EPM2A: variants seen among roughly 807,000 people sequenced by gnomAD.
EPM2A encodes the protein EPM2A glucan phosphatase, laforin.
A neutral mutation model predicts 26.5 loss-of-function variants in EPM2A; 21 were observed. The ratio of observed to expected loss-of-function variants is 0.79; its 90% CI spans 0.56 to 1.14. The LOEUF is 1.14. EPM2A is among the 50% of genes most tolerant of loss of function. The pLI, the probability that EPM2A is intolerant of heterozygous loss-of-function variation, is 0.00. For synonymous variants in EPM2A, 217 were observed against 177.6 expected (o/e 1.22, Z -1.76); for missense variants, 458 against 440.8 (o/e 1.04, Z -0.35).
chr6:145,590,459 G>T (rs940567258), intron 2 of EPM2A, among the ~76,000 whole-genome samples: 1 of 151,732 alleles, frequency 6.6e-6, no homozygotes, highest in African/African-American at 2.4e-5. Context: ...AAAGAAAATT[G>T]TGCCATTCAC....
chr6:145,473,581 G>T (rs1487019250), intron 4 of EPM2A, among the ~76,000 whole-genome samples: 1 of 152,056 alleles, frequency 6.6e-6, no homozygotes, highest in Non-Finnish European at 1.5e-5. Flanking sequence ...ACATGATGCA[G>T]ATTTAATCCA....
chr6:145,704,506 A>C (rs1185855805), intron 1 of EPM2A, among the ~76,000 whole-genome samples: 1 of 152,224 alleles, frequency 6.6e-6, no homozygotes, highest in East Asian at 1.9e-4. Context: ...GTTTCTCAAA[A>C]AATCCAGTGG....
chr6:145,532,775 T>C (rs1780376524), intron 2 of EPM2A, among the ~76,000 whole-genome samples: 3 of 152,172 alleles, frequency 2.0e-5, no homozygotes, highest in African/African-American at 4.8e-5. Flanking sequence ...CCCATTCCCA[T>C]CTGTCTGATG....
At chr6:145,639,258 T>C (rs1441851294) in intron 2 of EPM2A, 1 of 152,160 alleles carries the variant, frequency 6.6e-6, no homozygotes, top group Non-Finnish European at 1.5e-5. Flanking sequence ...AGCTCCACTA[T>C]AGACTATTTG....
At chr6:145,570,148 T>C (rs1330689123) in intron 2 of EPM2A, among the ~76,000 whole-genome samples, 5 of 152,092 alleles carry the variant, frequency 3.3e-5, no homozygotes, top group African/African-American at 1.2e-4. Flanking sequence ...TCCCCGCCCC[T>C]GACTCAAATG....
In EPM2A at chr6:145,718,192, G is replaced by A. The variant is rs933968890; in HGVS notation, c.301+17006C>T. Among the ~76,000 whole-genome samples the A allele has an allele frequency of 2.5e-4, 38 of 152,008 alleles. No homozygotes were observed. In the South Asian group the frequency reaches 5.0e-3, roughly 20 times the overall value. On this transcript the variant is annotated intron_variant, in intron 1 of 3. Transcript: ENST00000367519. The stretch of plus-strand genomic sequence containing the variant: ...CCTAAGCCAAAAGAACAAAGTTGGA[G>A]GCATCACACTACCTGACTTCAAACT...
chr6:145,701,458 T>C (rs914087801), intron 1 of EPM2A, among the ~76,000 whole-genome samples: 1 of 152,138 alleles, frequency 6.6e-6, no homozygotes. Flanking sequence ...TGAAGAAGGG[T>C]GAAGGACCAT....
intron 2 of EPM2A, among the ~76,000 whole-genome samples, chr6:145,598,040 T>C (rs1261304147): frequency 6.6e-6 from 1 of 152,232 alleles, no homozygotes; most frequent in African/African-American, 2.4e-5. Context: ...AACATTCACA[T>C]GCATGTGTCT....
At chr6:145,569,708 T>C (rs1364993075) in intron 2 of EPM2A, among the ~76,000 whole-genome samples, 1 of 152,198 alleles carries the variant, frequency 6.6e-6, no homozygotes, top group African/African-American at 2.4e-5. Context: ...ATTTGAGACT[T>C]TATGGTGTTT....
chr6:145,727,288 A>G (rs1281602347), intron 1 of EPM2A, among the ~76,000 whole-genome samples: 1 of 152,162 alleles, frequency 6.6e-6, no homozygotes, highest in Non-Finnish European at 1.5e-5. Context: ...AGAACAAAAG[A>G]AAAAGATGCA....
intron 2 of EPM2A, among the ~76,000 whole-genome samples, chr6:145,670,679 T>C (rs999052291): frequency 2.0e-5 from 3 of 152,138 alleles, no homozygotes; most frequent in East Asian, 1.9e-4. Context: ...TTCTTTGATA[T>C]GGTGTTGAAA....
At chr6:145,545,479 G>T (rs1208958988) in intron 2 of EPM2A, among the ~76,000 whole-genome samples, 1 of 152,068 alleles carries the variant, frequency 6.6e-6, no homozygotes, top group Non-Finnish European at 1.5e-5. Context: ...TAAAATAGTG[G>T]GAGAGGATGC....
chr6:145,385,648 A>G (rs189699932), intron 4 of EPM2A, among the ~76,000 whole-genome samples: 18 of 152,300 alleles, frequency 1.2e-4, no homozygotes, highest in East Asian at 5.8e-4. Context: ...ACATAATTTA[A>G]AAATACCAAG....
At chr6:145,511,415 T>C (rs548164987) in intron 2 of EPM2A, among the ~76,000 whole-genome samples, 16 of 152,318 alleles carry the variant, frequency 1.1e-4, no homozygotes, top group African/African-American at 3.8e-4. Context: ...CATCATCAAG[T>C]GGGCTTTATT....
chr6:145,647,392 G>C (rs1777556708), intron 2 of EPM2A, among the ~76,000 whole-genome samples: 1 of 152,120 alleles, frequency 6.6e-6, no homozygotes, highest in East Asian at 1.9e-4. Flanking sequence ...ATTCAACCAA[G>C]CCTACATGAT....
intron 4 of EPM2A, among the ~76,000 whole-genome samples, chr6:145,454,009 T>C (rs1377390622): frequency 6.6e-6 from 1 of 152,262 alleles, no homozygotes; most frequent in Non-Finnish European, 1.5e-5. Flanking sequence ...TCATCTATTA[T>C]TCCAGTTGAA....
chr6:145,424,260 A>C (rs936296755), intron 4 of EPM2A, among the ~76,000 whole-genome samples: 8 of 152,212 alleles, frequency 5.3e-5, no homozygotes, highest in African/African-American at 1.7e-4. Flanking sequence ...AGGAGGAAAA[A>C]TAGAGAAACA....
chr6:145,686,405 T>C, intron 1 of EPM2A, 109 bp from the exon 2 acceptor site: 1 of 831,200 alleles, frequency 1.2e-6, no homozygotes, highest in East Asian at 2.6e-5. Flanking sequence ...AACATAAAGC[T>C]ACTTAATCTA....
At chr6:145,678,900 G>A (rs1402215378) in intron 2 of EPM2A, among the ~76,000 whole-genome samples, 1 of 152,050 alleles carries the variant, frequency 6.6e-6, no homozygotes, top group Admixed American at 6.6e-5. Flanking sequence ...CTATTACTGG[G>A]TATATACTCA....
Sources: gnomAD v4.1 joint callset for allele counts (sites outside exome capture counted in the v4.1 genomes callset) on GRCh38, gnomAD v4.1.1 for gene constraint, MANE v1.5 for transcripts, NCBI Gene and HGNC (gene_info 2026-07-23, HGNC 2026-07-21) for gene names.